RANBP17: variants seen among roughly 807,000 people sequenced by gnomAD.
RANBP17 encodes RAN binding protein 17.
A neutral mutation model predicts 141.2 loss-of-function variants in RANBP17; 158 were observed. The observed-to-expected ratio is 1.12, with a 90% confidence interval of 0.98 to 1.28. The LOEUF (loss-of-function observed/expected upper bound fraction) is 1.28, where lower values mean the gene tolerates loss of function less well. RANBP17 is among the 50% of genes most tolerant of loss of function. The probability of loss-of-function intolerance (pLI) is 0.00; values close to 1 mark genes in which losing one functional copy is unlikely to be tolerated. For missense variants in RANBP17, 1,438 were observed against 1,290.7 expected (o/e 1.11, Z -1.75); for synonymous variants, 430 against 450.0 (o/e 0.96, Z 0.56).
At chr5:171,148,148 G>A (rs1414130796) in intron 14 of RANBP17, among the ~76,000 whole-genome samples, 2 of 151,954 alleles carry the variant, frequency 1.3e-5, no homozygotes, top group Non-Finnish European at 2.9e-5. Flanking sequence ...AATGGATTAA[G>A]GGCGGTGCAA....
intron 14 of RANBP17, among the ~76,000 whole-genome samples, chr5:171,025,133 C>T (rs1355426497): frequency 6.6e-6 from 1 of 152,160 alleles, no homozygotes; most frequent in Non-Finnish European, 1.5e-5. Flanking sequence ...ATAGTTCTTT[C>T]TGTGCTTCTA....
intron 25 of RANBP17, among the ~76,000 whole-genome samples, chr5:171,272,667 T>C (rs1767197460): frequency 6.6e-6 from 1 of 152,208 alleles, no homozygotes; most frequent in Non-Finnish European, 1.5e-5. Flanking sequence ...ATCTAAAGTA[T>C]GTATGTTTTG....
At chr5:171,053,774 A>T (rs1036508992) in intron 14 of RANBP17, among the ~76,000 whole-genome samples, 3 of 150,534 alleles carry the variant, frequency 2.0e-5, no homozygotes, top group African/African-American at 7.3e-5. Context: ...GCAGTGGTGA[A>T]AGTGGTCATC....
intron 12 of RANBP17, among the ~76,000 whole-genome samples, chr5:170,944,637 G>A (rs746829754): frequency 1.3e-5 from 2 of 152,116 alleles, no homozygotes; most frequent in Non-Finnish European, 2.9e-5. Flanking sequence ...GTACTTGCTC[G>A]ATTTTTAAGG....
intron 14 of RANBP17, among the ~76,000 whole-genome samples, chr5:171,059,326 G>C (rs917903287): frequency 2.0e-5 from 3 of 152,258 alleles, no homozygotes; most frequent in African/African-American, 7.2e-5. Context: ...AATCCATCTT[G>C]AATTAATTTT....
chr5:171,054,505 A>G (rs1241249371), intron 14 of RANBP17, among the ~76,000 whole-genome samples: 1 of 152,180 alleles, frequency 6.6e-6, no homozygotes, highest in Non-Finnish European at 1.5e-5. Context: ...GTTTTTTAGC[A>G]TGCTAGTGCA....
chr5:170,874,320 A>G (rs1220319401), intron 1 of RANBP17, among the ~76,000 whole-genome samples: 1 of 152,152 alleles, frequency 6.6e-6, no homozygotes, highest in Non-Finnish European at 1.5e-5. Context: ...TTTGGGGTGG[A>G]GAGTTCTGTA....
intron 12 of RANBP17, among the ~76,000 whole-genome samples, chr5:170,929,605 T>C (rs1773182573): frequency 6.6e-6 from 1 of 152,202 alleles, no homozygotes; most frequent in Non-Finnish European, 1.5e-5. Context: ...TAGAAATTGT[T>C]AAATTCAATT....
intron 14 of RANBP17, among the ~76,000 whole-genome samples, chr5:171,052,601 T>C (rs945383859): frequency 7.9e-5 from 12 of 152,224 alleles, no homozygotes. Context: ...CTTACGCTAT[T>C]ATCACACGGT....
At chr5:171,045,407 T>G (rs1201123937) in intron 14 of RANBP17, among the ~76,000 whole-genome samples, 1 of 152,146 alleles carries the variant, frequency 6.6e-6, no homozygotes, top group Non-Finnish European at 1.5e-5. Context: ...AGAGATTTGA[T>G]TGTTATTTTA....
At chr5:170,910,400 A>C (rs1006603274) in intron 6 of RANBP17, 1 of 152,592 alleles carries the variant, frequency 6.6e-6, no homozygotes, top group Non-Finnish European at 1.5e-5. Flanking sequence ...TAACATGACA[A>C]CTGCCACACT....
intron 25 of RANBP17, among the ~76,000 whole-genome samples, chr5:171,267,600 A>G (rs527361738): frequency 1.3e-5 from 2 of 152,234 alleles, no homozygotes; most frequent in Admixed American, 6.5e-5. Flanking sequence ...TGAGGTCAGG[A>G]GTTCGAGACC....
chr5:170,873,401 G>A (rs945558000), intron 1 of RANBP17, among the ~76,000 whole-genome samples: 1 of 152,148 alleles, frequency 6.6e-6, no homozygotes, highest in African/African-American at 2.4e-5. Context: ...TCAGTTGTTT[G>A]GAATAGTTTC....
intron 5 of RANBP17, among the ~76,000 whole-genome samples, chr5:170,902,111 T>C (rs990163400): frequency 6.6e-6 from 1 of 151,658 alleles, no homozygotes; most frequent in Non-Finnish European, 1.5e-5. Flanking sequence ...TATCCTGAAG[T>C]GTGTTTTCCA....
At chr5:171,191,657 A>T (rs1174769161) in intron 18 of RANBP17, among the ~76,000 whole-genome samples, 1 of 151,982 alleles carries the variant, frequency 6.6e-6, no homozygotes, top group Non-Finnish European at 1.5e-5. Flanking sequence ...ACTGCACTCC[A>T]ACCTGGGCAA....
At chr5:171,029,771 T>C (rs1267115513) in intron 14 of RANBP17, among the ~76,000 whole-genome samples, 1 of 152,048 alleles carries the variant, frequency 6.6e-6, no homozygotes, top group Non-Finnish European at 1.5e-5. Context: ...AATTTTTTTA[T>C]TTGAGGAAAA....
At chr5:170,934,022 T>A (rs1490215926) in intron 12 of RANBP17, among the ~76,000 whole-genome samples, 3 of 152,170 alleles carry the variant, frequency 2.0e-5, no homozygotes, top group African/African-American at 7.2e-5. Context: ...GGTTTTAAAA[T>A]CTCCCATTAT....
intron 14 of RANBP17, among the ~76,000 whole-genome samples, chr5:171,027,008 G>A (rs1781275996): frequency 6.6e-6 from 1 of 152,134 alleles, no homozygotes; most frequent in Admixed American, 6.5e-5. Context: ...ACACACAAGA[G>A]ATCTAGGTTG....
In RANBP17 at chr5:170,910,812, TGAA is replaced by T; in HGVS notation, c.595-152_595-150del. 9.1e-6 allele frequency: 6 copies of T among 658,146 alleles called. No homozygotes were observed. In the South Asian group the frequency reaches 1.1e-4, roughly 12 times the overall value. 40.8% of individuals were successfully genotyped at this position (658,146 alleles called of 1,614,324 possible). A position where few individuals can be genotyped will look rare whatever the true frequency, so the allele number is the denominator to read the frequency against. Reference sequence around the variant, plus strand: ...TGCATGAAGTTAACCCAGTTTTTCTTGAAGAAGGTAACATTACTTCCTTATATA... The same window carrying T: ...TGCATGAAGTTAACCCAGTTTTTCTTGAAGGTAACATTACTTCCTTATATA... On this transcript the variant is annotated intron_variant, in intron 6 of 27. Coordinates refer to ENST00000523189, the MANE Select transcript of RANBP17 (RefSeq NM_022897.5).
Sources: allele counts gnomAD v4.1 joint callset (sites outside exome capture counted in the v4.1 genomes callset), GRCh38; gene constraint gnomAD v4.1.1; transcripts MANE v1.5; gene names NCBI Gene and HGNC (gene_info 2026-07-23, HGNC 2026-07-21).